The following TCEA2 variants were observed in gnomAD, a reference collection of about 807,000 sequenced individuals.
TCEA2 encodes transcription elongation factor A protein 2.
In TCEA2, 21 loss-of-function variants were observed where a neutral mutation model predicts 40.8. The ratio of observed to expected loss-of-function variants is 0.51; its 90% confidence interval spans 0.36 to 0.74. TCEA2 has a LOEUF of 0.74. Among genes scored for constraint, TCEA2 ranks in the 30% least tolerant of loss-of-function variants. TCEA2 has a pLI of 0.00. For missense variants in TCEA2, 326 were observed against 426.5 expected (o/e 0.76, Z 2.08); for synonymous variants, 165 against 162.7 (o/e 1.01, Z -0.11).
upstream of TCEA2, among the ~76,000 whole-genome samples, chr20:64,055,947 A>T (rs138932834): frequency 6.6e-6 from 1 of 151,972 alleles, no homozygotes; most frequent in Non-Finnish European, 1.5e-5. This position sits in a 1 kb window ranked among gnomAD's most constrained non-coding sequence, Gnocchi z 4.0. Context: ...GGCTTCACCC[A>T]TAGCCCCGAC....
chr20:64,070,491 G>T lies in TCEA2; in HGVS notation c.675G>T (p.Glu225Asp). The change falls in exon 8 of 10, where the codon GAG (glutamate) becomes GAT (aspartate). Residue 225 changes from glutamate (E) to aspartate (D), a missense_variant and splice_region_variant. Coordinates refer to ENST00000343484, the MANE Select transcript of TCEA2 (RefSeq NM_003195.6). ...AAGCCACTGGCCCCGTGCTCCAGGA[G>T]ATGGCCAGTGATGAGCTGAAGGAGA... ...PQQIAVMTSE[E>D]MASDELKEIR... The T allele has an allele frequency of 6.2e-7, 1 of 1,613,746 alleles. No individual in the cohort carries two copies. Among genetic ancestry groups the T allele is most frequent in the Non-Finnish European group, 8.5e-7 (1 of 1,179,932 alleles).
chr20:64,069,320 C>T, intron 4 of TCEA2, 41 bp from the exon 5 acceptor site: 4 of 1,531,830 alleles, frequency 2.6e-6, no homozygotes, highest in Middle Eastern at 1.7e-4. Context: ...GGGGTGCCTG[C>T]AGCCTTGAGT....
rs995139275 is a variant in TCEA2 at position 64,072,056 on chromosome 20, T to C, written c.891+115T>C. Reference sequence around the variant, plus strand: ...GGATGGCCCTGCCCAACCAGCCTCCTGGGAGTCTTGGGCATGGTGGGTGGA... The same window carrying C: ...GGATGGCCCTGCCCAACCAGCCTCCCGGGAGTCTTGGGCATGGTGGGTGGA... On this transcript the variant is annotated intron_variant, in intron 9 of 9. Transcript: ENST00000343484. 12 of 1,594,932 alleles carry C rather than the reference T, an allele frequency of 7.5e-6. No homozygotes were observed. The Middle Eastern group carries it at 5.0e-4, about 67-fold the overall frequency.
At chr20:64,061,006 G>A (rs534755690), upstream of TCEA2, among the ~76,000 whole-genome samples, 111 of 150,044 alleles carry the variant, frequency 7.4e-4, no homozygotes, top group African/African-American at 2.6e-3. Flanking sequence ...TCACCCTGTT[G>A]CCCAGGCTGG....
At chr20:64,063,598 G>A (rs1028166221) in intron 1 of TCEA2, 1 of 604,776 alleles carries the variant, frequency 1.7e-6, no homozygotes, top group Admixed American at 3.0e-5. Flanking sequence ...CCCCGGCAGA[G>A]GCCGCGATCA....
At position 64,068,114 on chromosome 20, in the gene TCEA2, C is replaced by T. The variant is rs915445079; in HGVS notation, c.309C>T (p.Ala103=). ...CTCTGCCCACGTCCTCGAGGGATGC[C>T]TCAGAGGCCCCGGATCCCAGGTAGC... ...GMPLPTSSRD[A]SEAPDPSRKR... Residue 103 remains alanine, a synonymous_variant, in exon 4 of 10, where the codon GCC becomes GCT. Transcript: ENST00000343484. 1.9e-6 allele frequency: 3 copies of T among 1,609,206 alleles called. No homozygotes were observed. Among genetic ancestry groups the T allele is most frequent in the South Asian group, 2.2e-5 (2 of 89,690 alleles).
At chr20:64,063,573 C>T in intron 1 of TCEA2, 189 bp downstream of exon 1, 2 of 657,670 alleles carry the variant, frequency 3.0e-6, no homozygotes, top group Non-Finnish European at 5.1e-6. Context: ...CCAGCCCTGC[C>T]GTTCACTCCC....
upstream of TCEA2, among the ~76,000 whole-genome samples, chr20:64,061,935 G>A (rs1383932353): frequency 4.0e-5 from 6 of 151,878 alleles, no homozygotes; most frequent in Non-Finnish European, 8.8e-5. Context: ...CACCATATTG[G>A]CCAGGCTGGT....
upstream of TCEA2, among the ~76,000 whole-genome samples, chr20:64,061,444 T>C (rs540514001): frequency 9.9e-5 from 15 of 152,138 alleles, no homozygotes; most frequent in African/African-American, 3.6e-4. Context: ...CCCGGCTAAT[T>C]TTTTGTATTT....
intron 1 of TCEA2, among the ~76,000 whole-genome samples, chr20:64,065,127 C>T (rs2059658650): frequency 6.6e-6 from 1 of 152,068 alleles, no homozygotes; most frequent in South Asian, 2.1e-4. Flanking sequence ...GACCTGGGGG[C>T]CAGGTGTGGG....
intron 4 of TCEA2, 128 bp downstream of exon 4, chr20:64,068,262 T>C: frequency 1.2e-6 from 1 of 812,910 alleles, no homozygotes; most frequent in Non-Finnish European, 2.0e-6. Flanking sequence ...GTCAGCCTCA[T>C]GCTGGACACC....
upstream of TCEA2, among the ~76,000 whole-genome samples, chr20:64,062,205 C>G (rs1225990887): frequency 6.6e-6 from 1 of 152,206 alleles, no homozygotes; most frequent in Non-Finnish European, 1.5e-5. Flanking sequence ...TGATCCACAC[C>G]CTCCCCCAGG....
chr20:64,058,303 T>C (rs1242170114), upstream of TCEA2, among the ~76,000 whole-genome samples: 1 of 152,152 alleles, frequency 6.6e-6, no homozygotes, highest in African/African-American at 2.4e-5. The surrounding 1 kb of genome is among the most constrained non-coding windows in gnomAD (Gnocchi z 6.7). Flanking sequence ...TGCAGCCCCG[T>C]AGGCTGGGCC....
exon 1 of TCEA2, chr20:64,057,488 G>A (rs971148772): frequency 2.0e-5 from 3 of 152,326 alleles, no homozygotes; most frequent in African/African-American, 2.4e-5. Context: ...TTCAGCTGCC[G>A]AGGGCGGGAG....
At chr20:64,069,710 G>A in intron 5 of TCEA2, 55 bp from the exon 6 acceptor site, 1 of 1,584,454 alleles carries the variant, frequency 6.3e-7, no homozygotes, top group Non-Finnish European at 8.6e-7. Context: ...GCAGGCAGAA[G>A]GGGTGGCAGG....
chr20:64,062,737 C>G (rs1048091708), upstream of TCEA2: 1 of 152,288 alleles, frequency 6.6e-6, no homozygotes, highest in Non-Finnish European at 1.5e-5. Flanking sequence ...TAACTCTACT[C>G]AGAAGCCCGA....
chr20:64,070,760 T>A, intron 8 of TCEA2, 125 bp downstream of exon 8: 1 of 1,344,412 alleles, frequency 7.4e-7, no homozygotes, highest in Non-Finnish European at 9.9e-7. Context: ...AGTCCCTGAG[T>A]AGGCTAAGGC....
At chr20:64,072,066 G>A in intron 9 of TCEA2, 106 bp from the exon 10 acceptor site, 2 of 1,595,360 alleles carry the variant, frequency 1.3e-6, no homozygotes, top group Non-Finnish European at 1.7e-6. Context: ...TGGGAGTCTT[G>A]GGCATGGTGG....
rs1005386710 is a variant in TCEA2, at chr20:64,063,397, G to A, written c.72+13G>A. On this transcript the variant is annotated intron_variant, in intron 1 of 9. Coordinates refer to ENST00000343484, the MANE Select transcript of TCEA2 (RefSeq NM_003195.6). ...CAAGAAGAGCGCGGTGAGGGGCGCG[G>A]GCCGCCAGGACCCCGGGAACCCCGC... 5 of 1,544,220 alleles carry A rather than the reference G, an allele frequency of 3.2e-6. No homozygotes were observed. In the African/African-American group the frequency reaches 6.9e-5, roughly 21 times the overall value.
Sources: gnomAD v4.1 joint callset for allele counts (sites outside exome capture counted in the v4.1 genomes callset) on GRCh38, gnomAD v4.1.1 for gene constraint, Gnocchi (gnomAD v3.1) non-coding constraint, MANE v1.5 for transcripts, NCBI Gene and HGNC (gene_info 2026-07-23, HGNC 2026-07-21) for gene names.